WWOX: variants seen among roughly 807,000 people sequenced by gnomAD.
WWOX encodes the protein WW domain-containing oxidoreductase.
In WWOX, 69 loss-of-function variants were observed where a neutral mutation model predicts 46.2. That is an observed-to-expected ratio of 1.49 (90% CI 1.23 to 1.82). WWOX has a LOEUF of 1.82. Ranked by LOEUF, WWOX falls within the 40% of genes most tolerant of loss-of-function variation. WWOX has a pLI of 0.00. For synonymous variants in WWOX, 359 were observed against 202.6 expected (o/e 1.77, Z -6.56); for missense variants, 919 against 542.6 (o/e 1.69, Z -6.89).
intron 8 of WWOX, among the ~76,000 whole-genome samples, chr16:79,112,900 T>C (rs1394834826): frequency 2.0e-5 from 3 of 152,346 alleles, no homozygotes; most frequent in East Asian, 1.9e-4. Flanking sequence ...GTCTAGCCTC[T>C]GTGCAGCGCA....
chr16:78,355,547 C>A, intron 5 of WWOX: 1 of 417,022 alleles, frequency 2.4e-6, no homozygotes, highest in Non-Finnish European at 4.8e-6. Context: ...CAACGTAGAC[C>A]AGCAGCAAAC....
intron 8 of WWOX, among the ~76,000 whole-genome samples, chr16:78,806,754 CCCCAACCAGGTT>C (rs1359203467): frequency 1.3e-5 from 2 of 152,162 alleles, no homozygotes; most frequent in African/African-American, 4.8e-5. Flanking sequence ...GTCAGACCCA[CCCCAACCAGGTT>C]TGCAGTGAGA....
chr16:78,967,541 G>A (rs2046386409), intron 8 of WWOX, among the ~76,000 whole-genome samples: 4 of 149,578 alleles, frequency 2.7e-5, no homozygotes, highest in South Asian at 2.1e-4. Context: ...CTGAGTCCAG[G>A]TGATCCACCC....
chr16:78,892,641 C>T (rs146012106), intron 8 of WWOX, among the ~76,000 whole-genome samples: 11 of 152,348 alleles, frequency 7.2e-5, no homozygotes, highest in African/African-American at 2.6e-4. Flanking sequence ...CACAAGGTCA[C>T]CTGCCAAAAG....
intron 5 of WWOX, among the ~76,000 whole-genome samples, chr16:78,329,897 C>A (rs1020618631): frequency 6.6e-6 from 1 of 151,950 alleles, no homozygotes; most frequent in African/African-American, 2.4e-5. Flanking sequence ...CAGGCGTGTA[C>A]CACCATGACC....
chr16:78,460,538 C>A (rs188812397), intron 8 of WWOX, among the ~76,000 whole-genome samples: 1 of 152,148 alleles, frequency 6.6e-6, no homozygotes, highest in African/African-American at 2.4e-5. Flanking sequence ...GTGACTGATA[C>A]CAACACCATA....
chr16:79,190,150 G>C (rs112363717), intron 8 of WWOX, among the ~76,000 whole-genome samples: 1 of 151,856 alleles, frequency 6.6e-6, no homozygotes, highest in Admixed American at 6.6e-5. Context: ...TCAGCCTCCC[G>C]AGTAGCTGGG....
intron 8 of WWOX, among the ~76,000 whole-genome samples, chr16:78,765,008 A>G (rs2049894246): frequency 6.6e-6 from 1 of 152,208 alleles, no homozygotes; most frequent in Non-Finnish European, 1.5e-5. Flanking sequence ...GGATGCAGGA[A>G]GGAACAGGAC....
chr16:78,473,564 AT>A (rs5818141), intron 8 of WWOX, among the ~76,000 whole-genome samples: 16,437 of 152,218 alleles, frequency 0.11, 1,568 homozygotes, highest in African/African-American at 0.25. Flanking sequence ...AGATACACTT[AT>A]CTGTGAGCAG....
At chr16:79,119,353 G>A (rs565521321) in intron 8 of WWOX, among the ~76,000 whole-genome samples, 2 of 152,230 alleles carry the variant, frequency 1.3e-5, no homozygotes, top group East Asian at 3.9e-4. Flanking sequence ...AAGAGGTTTC[G>A]TTATATTAAT....
At chr16:78,153,225 T>C (rs904052070) in intron 4 of WWOX, among the ~76,000 whole-genome samples, 1 of 152,178 alleles carries the variant, frequency 6.6e-6, no homozygotes, top group Admixed American at 6.5e-5. Flanking sequence ...ATTGCAGATG[T>C]GGCATTGAGC....
chr16:78,999,319 A>G (rs887656187), intron 8 of WWOX, among the ~76,000 whole-genome samples: 14 of 152,020 alleles, frequency 9.2e-5, no homozygotes, highest in Admixed American at 3.3e-4. Context: ...AAAAATACAA[A>G]ATTAGCCAGG....
intron 8 of WWOX, among the ~76,000 whole-genome samples, chr16:79,160,408 C>T (rs1219951825): frequency 6.6e-6 from 1 of 152,150 alleles, no homozygotes; most frequent in African/African-American, 2.4e-5. Context: ...AGACAAATCA[C>T]AGCACCTCAG....
intron 8 of WWOX, among the ~76,000 whole-genome samples, chr16:79,195,926 A>T (rs382888): frequency 3.3e-5 from 5 of 152,030 alleles, no homozygotes; most frequent in Non-Finnish European, 5.9e-5. Flanking sequence ...GTTCCTCTCA[A>T]GTGGGAAAAA....
intron 8 of WWOX, among the ~76,000 whole-genome samples, chr16:78,629,088 G>GA (rs1222382135): frequency 6.6e-6 from 1 of 152,172 alleles, no homozygotes; most frequent in African/African-American, 2.4e-5. Flanking sequence ...TTCAAAATGT[G>GA]AATGTAAGTA....
At chr16:78,390,808 A>C (rs1165797905) in intron 6 of WWOX, among the ~76,000 whole-genome samples, 1 of 152,224 alleles carries the variant, frequency 6.6e-6, no homozygotes, top group Non-Finnish European at 1.5e-5. Flanking sequence ...ATGACAAATG[A>C]AAGAAAGGCT....
At chr16:78,119,193 T>C (rs1340465587) in intron 4 of WWOX, 2 of 152,236 alleles carry the variant, frequency 1.3e-5, no homozygotes, top group African/African-American at 4.8e-5. Context: ...TTTACGACTC[T>C]TTGGAGTTAG....
At chr16:78,824,971 C>G (rs904241251) in intron 8 of WWOX, among the ~76,000 whole-genome samples, 1 of 152,120 alleles carries the variant, frequency 6.6e-6, no homozygotes, top group African/African-American at 2.4e-5. Flanking sequence ...GTAATAGTAA[C>G]AGTAGAAAAT....
intron 8 of WWOX, among the ~76,000 whole-genome samples, chr16:78,574,050 T>A (rs901131694): frequency 6.6e-6 from 1 of 152,184 alleles, no homozygotes; most frequent in Non-Finnish European, 1.5e-5. Context: ...AGACTTTATT[T>A]CCTTGTAGCT....
Sources: gnomAD v4.1 joint callset for allele counts (sites outside exome capture counted in the v4.1 genomes callset) on GRCh38, gnomAD v4.1.1 for gene constraint, MANE v1.5 for transcripts, NCBI Gene and HGNC (gene_info 2026-07-23, HGNC 2026-07-21) for gene names.